The following KLHL13 variants were observed in gnomAD, a reference collection of about 807,000 sequenced individuals.
KLHL13 encodes the protein kelch like family member 13.
A neutral mutation model predicts 37.1 loss-of-function variants in KLHL13; 10 were observed. The ratio of observed to expected loss-of-function variants is 0.27; its 90% CI spans 0.17 to 0.46. The LOEUF (loss-of-function observed/expected upper bound fraction) is 0.46, where lower values mean the gene tolerates loss of function less well. Among genes scored for constraint, KLHL13 ranks in the 20% least tolerant of loss-of-function variants. KLHL13 has a pLI of 1.00. For synonymous variants in KLHL13, 163 were observed against 181.2 expected (o/e 0.90, Z 0.81); for missense variants, 360 against 509.3 (o/e 0.71, Z 2.82).
intron 5 of KLHL13, among the ~76,000 whole-genome samples, chrX:117,902,970 T>A (rs748261153): frequency 1.8e-5 from 2 of 110,501 alleles, no homozygotes; most frequent in African/African-American, 6.6e-5. Context: ...GTCCACCATA[T>A]GATATAGTTC....
At chrX:118,100,228 T>C (rs1298212423) in intron 1 of KLHL13, among the ~76,000 whole-genome samples, 1 of 112,012 alleles carries the variant, frequency 8.9e-6, no homozygotes, top group Non-Finnish European at 1.9e-5. Context: ...GGAGAGTTCA[T>C]GCCACTAGTT....
At position 118,070,726 on chromosome X, in the gene KLHL13, T is replaced by C. The variant is rs757440158; in HGVS notation, c.-56+45782A>G. ...CCAATTGGTAGATTTGTCATTTTCT[T>C]TTTTTTAATTTTTAAATATTTTTAT... On this transcript the variant is annotated intron_variant, in intron 1 of 6. Coordinates refer to the KLHL13 transcript ENST00000371882. 1.4e-4 allele frequency among the ~76,000 whole-genome samples: 15 copies of C among 106,493 alleles called. No homozygotes were observed. The East Asian group carries it at 3.9e-3, about 28-fold the overall frequency. 92.5% of individuals were successfully genotyped at this position (106,493 alleles called of 115,157 possible). A position where few individuals can be genotyped will look rare whatever the true frequency, so the allele number is the denominator to read the frequency against.
intron 5 of KLHL13, 115 bp downstream of exon 6, chrX:117,909,186 A>C (rs1428348495): frequency 3.0e-6 from 2 of 656,090 alleles, no homozygotes; most frequent in Non-Finnish European, 4.5e-6. Flanking sequence ...AAATAGTTTT[A>C]AAATAAAACC....
intron 1 of KLHL13, among the ~76,000 whole-genome samples, chrX:117,993,721 A>G (rs753378791): frequency 1.8e-5 from 2 of 108,416 alleles, no homozygotes; most frequent in African/African-American, 6.7e-5. Context: ...ATGAAACTTG[A>G]TTACATTATC....
chrX:117,906,589 T>G (rs1246083291), intron 5 of KLHL13, among the ~76,000 whole-genome samples: 1 of 111,119 alleles, frequency 9.0e-6, no homozygotes, highest in Non-Finnish European at 1.9e-5. Flanking sequence ...AATGACTCTT[T>G]TTGGCCTTTT....
Position 118,053,802 on chromosome X carries a change from A to AGAGAGAGAGAGAGAGAGGAGAG in KLHL13, c.-56+62684_-56+62705dup, listed in dbSNP as rs1156404645. Among the ~76,000 whole-genome samples the AGAGAGAGAGAGAGAGAGGAGAG allele has an allele frequency of 1.7e-4, 9 of 53,624 alleles. 1 individual carries two copies. Among genetic ancestry groups the AGAGAGAGAGAGAGAGAGGAGAG allele is most frequent in the African/African-American group, 5.0e-4 (5 of 9,926 alleles). The allele number at this position is 53,624 out of a possible 115,157, so 46.6% of individuals were successfully genotyped here. On this transcript the variant is annotated intron_variant, in intron 1 of 6. Transcript: ENST00000371882. ...GTGTGTGTGTGTGTGTGTGTGTGAG[A>AGAGAGAGAGAGAGAGAGGAGAG]GAGAGAGAGAGAGAGAGGAGAGGAG...
intron 1 of KLHL13, among the ~76,000 whole-genome samples, chrX:118,061,105 A>T (rs1183075450): frequency 2.7e-5 from 3 of 111,978 alleles, no homozygotes; most frequent in Non-Finnish European, 3.8e-5. Context: ...GTCACACTGA[A>T]AAAAGACTCC....
At chrX:118,097,612 G>A (rs369141825) in intron 1 of KLHL13, among the ~76,000 whole-genome samples, 66 of 111,693 alleles carry the variant, frequency 5.9e-4, no homozygotes, top group East Asian at 5.1e-3. Flanking sequence ...AAAAGAGCCC[G>A]CATTGCCAAG....
At chrX:117,973,162 T>G (rs946213037) in exon 1 of KLHL13, 1 of 927,119 alleles carries the variant, frequency 1.1e-6, no homozygotes. Context: ...CCAGGCTTTT[T>G]TTTTTTAAGC....
intron 2 of KLHL13, among the ~76,000 whole-genome samples, chrX:117,924,349 G>T (rs73595634): frequency 0.013 from 1,502 of 111,918 alleles, 15 homozygotes; most frequent in African/African-American, 0.046. Flanking sequence ...AAGAAAAAGA[G>T]AGAGGTTCAT....
At chrX:117,938,116 T>C (rs1214171276) in intron 2 of KLHL13, among the ~76,000 whole-genome samples, 1 of 112,312 alleles carries the variant, frequency 8.9e-6, no homozygotes, top group Non-Finnish European at 1.9e-5. Context: ...AGCTGGATCA[T>C]ATTACATTGT....
At chrX:117,966,170 C>T (rs1358813659) in intron 1 of KLHL13, among the ~76,000 whole-genome samples, 1 of 111,832 alleles carries the variant, frequency 8.9e-6, no homozygotes, top group Non-Finnish European at 1.9e-5. Flanking sequence ...TGTCTCAGCC[C>T]AAAATCTCCT....
intron 1 of KLHL13, among the ~76,000 whole-genome samples, chrX:117,962,320 T>A (rs1321087604): frequency 1.8e-5 from 2 of 109,663 alleles, no homozygotes. Flanking sequence ...TGGGTTTTTT[T>A]TTTTCATTGA....
At chrX:118,035,167 G>A (rs1602672073) in intron 1 of KLHL13, among the ~76,000 whole-genome samples, 1 of 105,532 alleles carries the variant, frequency 9.5e-6, no homozygotes, top group African/African-American at 3.9e-5. Flanking sequence ...AGAGGTACAA[G>A]GAGGAACTGG....
chrX:117,898,072 T>C (rs1406396283), exon 7 of KLHL13: 1 of 112,224 alleles, frequency 8.9e-6, no homozygotes, highest in Non-Finnish European at 1.9e-5. Context: ...AAATTCTGTA[T>C]GGTTCTACAT....
intron 1 of KLHL13, among the ~76,000 whole-genome samples, chrX:118,107,014 T>G (rs2055354806): frequency 8.9e-6 from 1 of 111,974 alleles, no homozygotes; most frequent in Non-Finnish European, 1.9e-5. Flanking sequence ...TTACAAATGC[T>G]TCAGTATTTT....
intron 2 of KLHL13, among the ~76,000 whole-genome samples, chrX:117,938,259 G>A (rs761288178): frequency 9.0e-6 from 1 of 111,244 alleles, no homozygotes; most frequent in African/African-American, 3.3e-5. Flanking sequence ...TTCATGCAAC[G>A]ATTCACCTAC....
chrX:117,927,742 C>A (rs1000131158), intron 2 of KLHL13, among the ~76,000 whole-genome samples: 1 of 111,808 alleles, frequency 8.9e-6, no homozygotes, highest in African/African-American at 3.3e-5. Flanking sequence ...GCTTACAGAT[C>A]ATATAATGTC....
intron 1 of KLHL13, among the ~76,000 whole-genome samples, chrX:118,087,565 G>T (rs901076375): frequency 3.4e-4 from 38 of 110,195 alleles, no homozygotes; most frequent in African/African-American, 1.2e-3. Context: ...TAAATTTGGG[G>T]ACCTCTTTAT....
Sources: allele counts gnomAD v4.1 joint callset (sites outside exome capture counted in the v4.1 genomes callset), GRCh38; gene constraint gnomAD v4.1.1; transcripts MANE v1.5; gene names NCBI Gene and HGNC (gene_info 2026-07-23, HGNC 2026-07-21).